Variants in RSF1 observed in about 807,000 individuals in gnomAD.
RSF1 encodes the protein HBV pX-associated protein 8.
Under a neutral mutation model 145.2 loss-of-function variants are expected in RSF1, and 13 were observed. The ratio of observed to expected loss-of-function variants is 0.09; its 90% CI spans 0.06 to 0.14. RSF1 has a LOEUF of 0.14. RSF1 is among the 10% of genes least tolerant of loss of function. RSF1 has a pLI of 1.00. For synonymous variants in RSF1, 577 were observed against 592.6 expected (o/e 0.97, Z 0.38); for missense variants, 1,517 against 1,718.2 (o/e 0.88, Z 2.07).
intron 1 of RSF1, among the ~76,000 whole-genome samples, chr11:77,802,653 C>T (rs1022879156): frequency 2.6e-5 from 4 of 152,152 alleles, no homozygotes; most frequent in Admixed American, 1.3e-4. Context: ...AAGCGATTCT[C>T]CTGCCTCAGC....
chr11:77,672,778 G>C (rs889374288), intron 14 of RSF1, among the ~76,000 whole-genome samples: 1 of 152,146 alleles, frequency 6.6e-6, no homozygotes, highest in African/African-American at 2.4e-5. Context: ...CACTTCCCGG[G>C]TTCAAGCAAT....
intron 5 of RSF1, among the ~76,000 whole-genome samples, chr11:77,704,753 GTT>G (rs72141127): frequency 1.2e-4 from 16 of 134,512 alleles, no homozygotes; most frequent in Admixed American, 2.3e-4. Context: ...GTTTGCCTTG[GTT>G]TTTTTTTTTT....
chr11:77,802,403 A>ATTAAATTTTAAT (rs1948634737), intron 1 of RSF1, among the ~76,000 whole-genome samples: 1 of 152,186 alleles, frequency 6.6e-6, no homozygotes, highest in East Asian at 1.9e-4. Context: ...TCAGAATCAA[A>ATTAAATTTTAAT]TTAAATTTTA....
Position 77,672,038 on chromosome 11 carries a change from T to C in RSF1, c.3751+4A>G, listed in dbSNP as rs1444332216. 1 of 1,607,816 alleles carries C rather than the reference T, an allele frequency of 6.2e-7. No homozygotes were observed. On this transcript the variant is annotated splice_donor_region_variant and intron_variant, in intron 15 of 15. Transcript: ENST00000308488. ...CTTCTATATATAGGAGACCTATGCC[T>C]TACCTTCACTCTCTGAGCTGGAAAG...
At chr11:77,840,710 C>T in the RSF1 span, among the ~76,000 whole-genome samples, 2 of 152,140 alleles carry the variant, frequency 1.3e-5, no homozygotes, top group African/African-American at 4.8e-5. Flanking sequence ...CACTCAGCCC[C>T]AGGTAACAGT....
chr11:77,856,175 A>C, the RSF1 span, among the ~76,000 whole-genome samples: 1 of 152,212 alleles, frequency 6.6e-6, no homozygotes, highest in Non-Finnish European at 1.5e-5. Flanking sequence ...TCAAGTTCAA[A>C]GTTCTACAGA....
chr11:77,720,981 C>G (rs974145711), intron 5 of RSF1, among the ~76,000 whole-genome samples: 9 of 151,946 alleles, frequency 5.9e-5, no homozygotes, highest in Admixed American at 2.6e-4. Flanking sequence ...ATTTTTTTGC[C>G]CACTTTTACA....
the RSF1 span, among the ~76,000 whole-genome samples, chr11:77,861,937 A>C: frequency 6.6e-6 from 1 of 152,128 alleles, no homozygotes; most frequent in South Asian, 2.1e-4. Flanking sequence ...CCTATCCTTT[A>C]AGATTAGTCG....
chr11:77,750,511 A>G (rs1948050900), intron 2 of RSF1, among the ~76,000 whole-genome samples: 1 of 152,166 alleles, frequency 6.6e-6, no homozygotes, highest in African/African-American at 2.4e-5. Flanking sequence ...ATATGTAAAA[A>G]CCATTCTTAG....
At chr11:77,731,484 T>A (rs901727163) in intron 4 of RSF1, among the ~76,000 whole-genome samples, 1 of 152,210 alleles carries the variant, frequency 6.6e-6, no homozygotes, top group African/African-American at 2.4e-5. Flanking sequence ...GAAATTTGCA[T>A]AAGAAACAAG....
intron 10 of RSF1, among the ~76,000 whole-genome samples, chr11:77,684,516 A>G (rs1959951838): frequency 6.6e-6 from 1 of 152,198 alleles, no homozygotes; most frequent in Non-Finnish European, 1.5e-5. Flanking sequence ...CTAACAACAC[A>G]TTATAAAGTT....
intron 15 of RSF1, among the ~76,000 whole-genome samples, chr11:77,668,001 C>T (rs889871123): frequency 6.6e-6 from 1 of 151,424 alleles, no homozygotes; most frequent in African/African-American, 2.4e-5. Context: ...CTGTGCCTGA[C>T]CTTCTTTATT....
intron 1 of RSF1, among the ~76,000 whole-genome samples, chr11:77,770,759 G>A (rs1163178631): frequency 6.6e-6 from 1 of 152,134 alleles, no homozygotes; most frequent in African/African-American, 2.4e-5. Context: ...GGCTTGAGGT[G>A]GTGATAAGAC....
intron 1 of RSF1, among the ~76,000 whole-genome samples, chr11:77,782,664 A>T (rs1021404096): frequency 5.9e-5 from 9 of 151,696 alleles, no homozygotes; most frequent in Non-Finnish European, 1.0e-4. Context: ...GGTAGAGGGG[A>T]AAAAAAAATC....
chr11:77,868,698 GTTT>G, the RSF1 span: 5,984 of 193,436 alleles, frequency 0.031, 305 homozygotes, highest in African/African-American at 0.12. Flanking sequence ...TGTTGTTGTT[GTTT>G]TTTAACACAA....
intron 5 of RSF1, among the ~76,000 whole-genome samples, chr11:77,708,019 C>A (rs1176161370): frequency 6.6e-6 from 1 of 152,036 alleles, no homozygotes; most frequent in Admixed American, 6.6e-5. Context: ...TTACACTTTC[C>A]CAAGTTTTCT....
chr11:77,772,500 A>G (rs1279294642), intron 1 of RSF1, among the ~76,000 whole-genome samples: 4 of 152,108 alleles, frequency 2.6e-5, no homozygotes, highest in Non-Finnish European at 5.9e-5. Flanking sequence ...CATCATTTCA[A>G]AGGTCACATA....
At chr11:77,741,087 T>C (rs1027971422) in intron 3 of RSF1, 151 bp from the exon 4 acceptor site, 5 of 646,066 alleles carry the variant, frequency 7.7e-6, no homozygotes, top group South Asian at 1.9e-5. Flanking sequence ...CCCACTTTCA[T>C]ACAAACTGTT....
At chr11:77,732,091 C>T (rs1358295833) in intron 4 of RSF1, among the ~76,000 whole-genome samples, 1 of 152,166 alleles carries the variant, frequency 6.6e-6, no homozygotes, top group East Asian at 1.9e-4. Flanking sequence ...AGGAGGGAGG[C>T]TGTACAGGGG....
Sources: allele counts gnomAD v4.1 joint callset (sites outside exome capture counted in the v4.1 genomes callset), GRCh38; gene constraint gnomAD v4.1.1; transcripts MANE v1.5; gene names NCBI Gene and HGNC (gene_info 2026-07-23, HGNC 2026-07-21).